Variants in LTA4H observed in about 807,000 individuals in gnomAD.
LTA4H encodes the protein leukotriene A4 hydrolase.
LTA4H carries 59 observed loss-of-function variants against 89.8 expected under a neutral mutation model. The ratio of observed to expected loss-of-function variants is 0.66; its 90% CI spans 0.53 to 0.82. The LOEUF (loss-of-function observed/expected upper bound fraction) is 0.82. Ranked by LOEUF, LTA4H falls within the 40% of genes least tolerant of loss-of-function variation. The pLI is 0.00. For synonymous variants in LTA4H, 227 were observed against 253.1 expected (o/e 0.90, Z 0.98); for missense variants, 617 against 727.0 (o/e 0.85, Z 1.74).
chr12:96,037,265 C>T (rs967853729), upstream of LTA4H, among the ~76,000 whole-genome samples: 3 of 152,112 alleles, frequency 2.0e-5, no homozygotes, highest in Non-Finnish European at 2.9e-5. Flanking sequence ...GACATGACCA[C>T]GTCACATAAC....
Position 96,022,110 on chromosome 12 carries a change from G to A in LTA4H, c.585+37C>T, listed in dbSNP as rs11108379. ...GTGTACAAGCTAACTGTAGTTTACC[G>A]CCAATGAAAACAAAAATCTAGACCC... On this transcript the variant is annotated intron_variant, in intron 5 of 18. Coordinates refer to ENST00000228740, the MANE Select transcript of LTA4H (RefSeq NM_000895.3). The surrounding 1 kb of genome is among the most constrained non-coding windows in gnomAD (Gnocchi z 4.0). The A allele has an allele frequency of 0.052, 72,042 of 1,390,586 alleles. 2,140 individuals are homozygous for A. Among genetic ancestry groups the A allele is most frequent in the African/African-American group, 0.1 (7,185 of 70,332 alleles). The allele number at this position is 1,390,586 out of a possible 1,614,324, so 86.1% of individuals were successfully genotyped here.
At chr12:96,042,163 A>AGTTT (rs200602059) in intron 1 of LTA4H, among the ~76,000 whole-genome samples, 2,147 of 150,858 alleles carry the variant, frequency 0.014, 59 homozygotes, top group African/African-American at 0.048. Context: ...TTGTATTTTT[A>AGTTT]GTTTGTTTGT....
At position 96,014,786 on chromosome 12, in the gene LTA4H, T is replaced by G. The variant is rs1226866156; in HGVS notation, c.1204+69A>C. ...TATTAAATGGAACAAAACAATAGTT[T>G]ACAATTCTTCCTAATTCTCACATTA... is the stretch of plus-strand genomic sequence containing the variant. On this transcript the variant is annotated intron_variant, in intron 12 of 18. Coordinates refer to ENST00000228740, the MANE Select transcript of LTA4H (RefSeq NM_000895.3). The G allele has an allele frequency of 5.6e-6, 8 of 1,418,260 alleles. No individual in the cohort carries two copies. In the South Asian group the frequency reaches 7.8e-5, roughly 14 times the overall value. The allele number at this position is 1,418,260 out of a possible 1,614,324, so 87.9% of individuals were successfully genotyped here.
intron 12 of LTA4H, among the ~76,000 whole-genome samples, 168 bp downstream of exon 12, chr12:96,014,687 T>C (rs1370569762): frequency 6.6e-6 from 1 of 152,234 alleles, no homozygotes; most frequent in Non-Finnish European, 1.5e-5. Context: ...GGGTTATTAA[T>C]GGTTTTAAGT....
intron 6 of LTA4H, 108 bp from the exon 7 acceptor site, chr12:96,019,348 T>G: frequency 1.1e-6 from 1 of 884,144 alleles, no homozygotes; most frequent in South Asian, 1.6e-5. Flanking sequence ...GAGAGTGCAT[T>G]TACCATGTGC....
intron 4 of LTA4H, 102 bp downstream of exon 4, chr12:96,024,377 A>C: frequency 3.0e-6 from 2 of 656,890 alleles, no homozygotes; most frequent in Non-Finnish European, 5.1e-6. Flanking sequence ...ATTAAGAAAA[A>C]TAATTCTAGC....
chr12:96,020,131 CT>C, intron 6 of LTA4H, among the ~76,000 whole-genome samples: 1 of 152,214 alleles, frequency 6.6e-6, no homozygotes. Context: ...TCTTGAACTC[CT>C]GGGCTCAAGC....
At chr12:96,010,614 G>A (rs2136875184) in intron 14 of LTA4H, 1 of 152,348 alleles carries the variant, frequency 6.6e-6, no homozygotes, top group South Asian at 2.1e-4. Context: ...TGAAGCAAAG[G>A]GAGCTAGAGT....
At chr12:96,032,252 G>A (rs186379161) in intron 1 of LTA4H, among the ~76,000 whole-genome samples, 30 of 152,332 alleles carry the variant, frequency 2.0e-4, no homozygotes, top group Non-Finnish European at 2.8e-4. Flanking sequence ...GAATTTGTCC[G>A]ATTAAGTCTC....
In LTA4H at chr12:96,001,711, G is replaced by A. The variant is rs143572134; in HGVS notation, c.1719-605C>T. ...AATAAATACATAATAAATAATACAC[G>A]AAATAAATAATAAATACACTAAATA... On this transcript the variant is annotated intron_variant, in intron 18 of 18. Transcript: ENST00000228740. Among the ~76,000 whole-genome samples, 55 of 151,846 alleles carry A rather than the reference G, an allele frequency of 3.6e-4. No individual in the cohort carries two copies. The East Asian group carries it at 4.6e-3, about 13-fold the overall frequency.
chr12:96,036,822 C>T (rs1236554990), upstream of LTA4H, among the ~76,000 whole-genome samples: 5 of 152,192 alleles, frequency 3.3e-5, no homozygotes, highest in Non-Finnish European at 5.9e-5. Flanking sequence ...TTTACAGTTA[C>T]GCAGGCTGTA....
At position 96,015,685 on chromosome 12, in the gene LTA4H, C is replaced by T. The variant is rs1210617990; in HGVS notation, c.957G>A (p.Glu319=). 5.0e-6 allele frequency: 8 copies of T among 1,587,130 alleles called. No individual in the cohort carries two copies. Among genetic ancestry groups the T allele is most frequent in the East Asian group, 2.2e-5 (1 of 44,768 alleles). ...GGCGTTCCAAGTACACAGTATGTCC[C>T]TCATTTAACCTGAAAAAAAAATATT... ...NKTWDHFWLN[E]GHTVYLERHI... The change falls in exon 11 of 19, where the codon GAG becomes GAA. Residue 319 remains glutamate, a synonymous_variant. Transcript: ENST00000228740.
chr12:96,018,611 G>T (rs1592885432), intron 8 of LTA4H, 152 bp downstream of exon 8: 3 of 451,124 alleles, frequency 6.7e-6, no homozygotes, highest in East Asian at 3.6e-5. Flanking sequence ...TAGAAACAAA[G>T]GTTACACGAA....
Position 96,002,428 on chromosome 12 carries a change from AT to A in LTA4H, c.1718+531del, listed in dbSNP as rs148473181. Among the ~76,000 whole-genome samples, 44 of 151,744 alleles carry A rather than the reference AT, an allele frequency of 2.9e-4. No individual in the cohort carries two copies. The East Asian group carries it at 3.3e-3, about 11-fold the overall frequency. ...AGTAATCATGGATATTTATGGCATG[AT>A]TTTTTTTTCCAGAATTTGGACAAAA... On this transcript the variant is annotated intron_variant, in intron 18 of 18. Coordinates refer to ENST00000228740, the MANE Select transcript of LTA4H (RefSeq NM_000895.3).
upstream of LTA4H, among the ~76,000 whole-genome samples, chr12:96,037,315 A>T (rs1475506526): frequency 6.6e-6 from 1 of 152,212 alleles, no homozygotes; most frequent in East Asian, 1.9e-4. Flanking sequence ...GCTCAACCCA[A>T]GAAGAGTGTG....
chr12:96,026,581 G>C (rs772220284), intron 3 of LTA4H, among the ~76,000 whole-genome samples: 27 of 152,100 alleles, frequency 1.8e-4, no homozygotes, highest in Admixed American at 3.3e-4. Context: ...TTAAACTGAG[G>C]GTTTCTTAGA....
chr12:96,002,829 C>T, intron 18 of LTA4H, 131 bp downstream of exon 18: 11 of 610,004 alleles, frequency 1.8e-5, no homozygotes, highest in East Asian at 5.6e-5. Context: ...AGTGTGAATC[C>T]CTATTCCAAA....
At position 96,006,346 on chromosome 12, in the gene LTA4H, A is replaced by G. The variant is rs761534513; in HGVS notation, c.1498T>C (p.Leu500=). 5.0e-6 allele frequency: 8 copies of G among 1,611,660 alleles called. No homozygotes were observed. The highest frequency in any genetic ancestry group is 1.3e-5 in the African/African-American group (1 of 74,892). The part of the protein sequence containing the change: ...TDLKDLSSHQ[L]NEFLAQTLQR... The stretch of plus-strand genomic sequence containing the variant: ...AGCGTCTGTGCTAAAAACTCATTCA[A>G]TTGATGAGAAGAGAGATCCTTCAGG... Residue 500 remains leucine (L), a synonymous_variant, in exon 16 of 19, where the codon TTG becomes CTG. Transcript: ENST00000228740.
At chr12:96,031,407 C>A (rs939190423) in intron 1 of LTA4H, among the ~76,000 whole-genome samples, 9 of 152,048 alleles carry the variant, frequency 5.9e-5, no homozygotes, top group Admixed American at 2.0e-4. Flanking sequence ...TTTAAAATTC[C>A]CCTTCAAATT....
Sources: gnomAD v4.1 joint callset for allele counts (sites outside exome capture counted in the v4.1 genomes callset) on GRCh38, gnomAD v4.1.1 for gene constraint, Gnocchi (gnomAD v3.1) non-coding constraint, MANE v1.5 for transcripts, NCBI Gene and HGNC (gene_info 2026-07-23, HGNC 2026-07-21) for gene names.